Variants in JAZF1 observed in about 807,000 individuals in gnomAD.
JAZF1 encodes juxtaposed with another zinc finger protein 1.
JAZF1 carries 8 observed loss-of-function variants against 26.4 expected under a neutral mutation model. That is an observed-to-expected ratio of 0.30 (90% CI 0.18 to 0.55). JAZF1 has a LOEUF of 0.55. Ranked by LOEUF, JAZF1 falls within the 20% of genes least tolerant of loss-of-function variation. The pLI, the probability that JAZF1 is intolerant of heterozygous loss-of-function variation, is 0.94. For synonymous variants in JAZF1, 126 were observed against 122.3 expected, an observed-to-expected ratio of 1.03 and a Z score of -0.20; for missense variants, 199 against 322.0, an observed-to-expected ratio of 0.62 and a Z score of 2.92.
chr7:27,876,888 C>T (rs1351721139), intron 3 of JAZF1, among the ~76,000 whole-genome samples: 1 of 152,100 alleles, frequency 6.6e-6, no homozygotes, highest in East Asian at 1.9e-4. Context: ...TACTTGAATG[C>T]CCTTAAAGAC....
intron 3 of JAZF1, among the ~76,000 whole-genome samples, chr7:27,887,173 G>A (rs1316491938): frequency 6.6e-6 from 1 of 152,020 alleles, no homozygotes; most frequent in Non-Finnish European, 1.5e-5. Flanking sequence ...TAATTAATGG[G>A]TACTAGGGTT....
chr7:28,101,578 A>T (rs1784472485), intron 1 of JAZF1, among the ~76,000 whole-genome samples: 2 of 116,064 alleles, frequency 1.7e-5, no homozygotes, highest in African/African-American at 5.9e-5. Flanking sequence ...TTCTATATTA[A>T]AAAAAAAAAA....
At chr7:27,853,476 G>T (rs1372167648) in intron 3 of JAZF1, among the ~76,000 whole-genome samples, 1 of 152,138 alleles carries the variant, frequency 6.6e-6, no homozygotes, top group African/African-American at 2.4e-5. Context: ...CGACGGGAGG[G>T]TGTCCTGTCC....
At chr7:27,941,674 C>A (rs1394236686) in intron 2 of JAZF1, among the ~76,000 whole-genome samples, 1 of 152,180 alleles carries the variant, frequency 6.6e-6, no homozygotes, top group South Asian at 2.1e-4. Flanking sequence ...CCTGTGATGA[C>A]CTTTTATTAG....
chr7:28,074,887 T>C (rs1390676326), intron 1 of JAZF1, among the ~76,000 whole-genome samples: 1 of 152,186 alleles, frequency 6.6e-6, no homozygotes, highest in Admixed American at 6.5e-5. Context: ...GACTTCTTAA[T>C]GACTAGTCTA....
chr7:27,881,200 C>A (rs1028012585), intron 3 of JAZF1, among the ~76,000 whole-genome samples: 2 of 152,158 alleles, frequency 1.3e-5, no homozygotes, highest in African/African-American at 4.8e-5. Context: ...GCATGGGGAA[C>A]CCTTCCAGAT....
intron 1 of JAZF1, among the ~76,000 whole-genome samples, chr7:28,117,961 T>C (rs1784772794): frequency 6.6e-6 from 1 of 152,138 alleles, no homozygotes; most frequent in Admixed American, 6.5e-5. Context: ...TCTGGTTTAC[T>C]CAAGTTTATT....
At chr7:28,099,222 G>A (rs962642287) in intron 1 of JAZF1, among the ~76,000 whole-genome samples, 1 of 151,948 alleles carries the variant, frequency 6.6e-6, no homozygotes, top group Non-Finnish European at 1.5e-5. Flanking sequence ...GATGACAGTC[G>A]GCCACATCTC....
chr7:27,849,524 T>C (rs1275784309), intron 3 of JAZF1, among the ~76,000 whole-genome samples: 1 of 152,122 alleles, frequency 6.6e-6, no homozygotes, highest in East Asian at 1.9e-4. Flanking sequence ...TACTCCATGG[T>C]TTCATAACCA....
chr7:27,932,929 G>A (rs940787196), intron 2 of JAZF1, among the ~76,000 whole-genome samples: 7 of 152,246 alleles, frequency 4.6e-5, no homozygotes, highest in Middle Eastern at 6.8e-3. Context: ...AAATACGAAA[G>A]GGCTGCACCA....
intron 2 of JAZF1, among the ~76,000 whole-genome samples, chr7:27,968,638 T>G (rs1010640954): frequency 6.6e-6 from 1 of 151,746 alleles, no homozygotes; most frequent in Non-Finnish European, 1.5e-5. Context: ...AAACAGTAAA[T>G]AAGTTAAGAG....
intron 4 of JAZF1, among the ~76,000 whole-genome samples, chr7:27,835,544 CAT>C (rs57020523): frequency 0.021 from 3,220 of 152,284 alleles, 101 homozygotes; most frequent in African/African-American, 0.073. Flanking sequence ...CATTTAGAAA[CAT>C]AAAGTATTTC....
At chr7:28,011,451 G>C (rs111554353) in intron 1 of JAZF1, among the ~76,000 whole-genome samples, 1 of 152,254 alleles carries the variant, frequency 6.6e-6, no homozygotes, top group African/African-American at 2.4e-5. Flanking sequence ...AACACTTCAC[G>C]CAAGGACTTC....
At chr7:28,179,843 C>G (rs1375405770) in intron 1 of JAZF1, among the ~76,000 whole-genome samples, 2 of 147,194 alleles carry the variant, frequency 1.4e-5, no homozygotes, top group African/African-American at 4.9e-5. Context: ...GCAACCGGCG[C>G]TGACAGGACG....
intron 3 of JAZF1, among the ~76,000 whole-genome samples, chr7:27,848,347 GGTT>G (rs1208736667): frequency 5.9e-5 from 9 of 152,068 alleles, no homozygotes; most frequent in South Asian, 2.1e-4. Context: ...TTTTCAGCTA[GGTT>G]GTTATTTGTG....
intron 1 of JAZF1, among the ~76,000 whole-genome samples, chr7:28,179,454 C>A (rs1322857108): frequency 6.6e-6 from 1 of 151,966 alleles, no homozygotes; most frequent in African/African-American, 2.4e-5. Context: ...CGGGGCGCTG[C>A]GCAGGCCGCC....
At chr7:27,943,366 G>A (rs1174139467) in intron 2 of JAZF1, among the ~76,000 whole-genome samples, 1 of 152,202 alleles carries the variant, frequency 6.6e-6, no homozygotes, top group Non-Finnish European at 1.5e-5. Context: ...GAGGAAAGGA[G>A]GGTAGTGTAG....
chr7:28,023,685 C>T (rs929861531), intron 1 of JAZF1, among the ~76,000 whole-genome samples: 8 of 152,142 alleles, frequency 5.3e-5, no homozygotes, highest in African/African-American at 1.9e-4. Context: ...TTAATGAGTC[C>T]AGCACTGGGC....
chr7:28,035,335 AAAAAAAAAG>A (rs1783270939), intron 1 of JAZF1, among the ~76,000 whole-genome samples: 1 of 147,200 alleles, frequency 6.8e-6, no homozygotes, highest in African/African-American at 2.5e-5. Context: ...AAAAAAAAAA[AAAAAAAAAG>A]AAAGAAAGAA....
Sources: gnomAD v4.1 joint callset for allele counts (sites outside exome capture counted in the v4.1 genomes callset) on GRCh38, gnomAD v4.1.1 for gene constraint, MANE v1.5 for transcripts, NCBI Gene and HGNC (gene_info 2026-07-23, HGNC 2026-07-21) for gene names.